RBM10: variants seen among roughly 807,000 people sequenced by gnomAD.
The protein encoded by RBM10 is RNA-binding protein 10.
A neutral mutation model predicts 84.9 loss-of-function variants in RBM10; 1 was observed. The observed-to-expected ratio is 0.01, with a 90% CI of 0.00 to 0.06. The LOEUF (loss-of-function observed/expected upper bound fraction) is 0.06. Ranked by LOEUF, RBM10 falls within the 10% of genes least tolerant of loss-of-function variation. RBM10 has a pLI of 1.00. For synonymous variants in RBM10, 326 were observed against 344.5 expected (o/e 0.95, Z 0.60); for missense variants, 438 against 839.0 (o/e 0.52, Z 5.90).
chrX:47,153,111 G>T (rs1394713863), intron 2 of RBM10, among the ~76,000 whole-genome samples: 1 of 111,947 alleles, frequency 8.9e-6, no homozygotes, highest in Admixed American at 9.5e-5. Context: ...CTCCCAAAGT[G>T]CTGGGATTAC....
In RBM10 at chrX:47,145,547, G is replaced by C. The variant is rs1556761673; in HGVS notation, c.-126+62G>C. ...GGGCCCGGGGCGGGGACGTAGAGGA[G>C]GCGCGAGGGCGGACTTCGGGTCGGG... On this transcript the variant is annotated intron_variant, in intron 1 of 23. Coordinates refer to ENST00000377604, the MANE Select transcript of RBM10 (RefSeq NM_005676.5). 8 of 1,110,149 alleles carry C rather than the reference G, an allele frequency of 7.2e-6. No homozygotes were observed. The South Asian group carries it at 1.4e-4, about 19-fold the overall frequency. The allele number at this position is 1,110,149 out of a possible 1,213,427, so 91.5% of individuals were successfully genotyped here.
chrX:47,184,566 G>T lies in RBM10; in HGVS notation c.1951-489G>T, dbSNP rs782785191. On this transcript the variant is annotated intron_variant, in intron 17 of 23. Coordinates refer to ENST00000377604, the MANE Select transcript of RBM10 (RefSeq NM_005676.5). ...CAAGAAGCACTGGTGACTGGTGACA[G>T]AAAATAGGAACTTGCACTACTGTGT... Among the ~76,000 whole-genome samples the T allele has an allele frequency of 8.9e-5, 10 of 111,738 alleles. No individual in the cohort carries two copies. In the South Asian group the frequency reaches 3.7e-3, roughly 42 times the overall value.
chrX:47,179,828 G>C (rs902641500), intron 9 of RBM10, 52 bp from the exon 10 acceptor site: 1 of 1,159,484 alleles, frequency 8.6e-7, no homozygotes, highest in South Asian at 1.9e-5. Flanking sequence ...TTGAAGGGCA[G>C]GGCTGGCAAG....
At chrX:47,157,553 G>T (rs1933264652) in intron 2 of RBM10, 1 of 435,488 alleles carries the variant, frequency 2.3e-6, no homozygotes, top group Non-Finnish European at 4.2e-6. Flanking sequence ...CAATCTTCCA[G>T]ATGAGTTTGC....
chrX:47,176,876 A>T (rs1206295881), intron 7 of RBM10, among the ~76,000 whole-genome samples: 1 of 111,315 alleles, frequency 9.0e-6, no homozygotes, highest in African/African-American at 3.3e-5. Flanking sequence ...GTTCCAGTAG[A>T]CTTTAAGGAA....
At position 47,152,294 on chromosome X, in the gene RBM10, G is replaced by A. The variant is rs1054611822; in HGVS notation, c.17+4796G>A. On this transcript the variant is annotated intron_variant, in intron 2 of 23. Coordinates refer to ENST00000377604, the MANE Select transcript of RBM10 (RefSeq NM_005676.5). ...GCTATACCCCACTTGATCATGGTAT[G>A]TATGTATATGTTTATGACTTCTTAC... Among the ~76,000 whole-genome samples the A allele has an allele frequency of 4.5e-5, 5 of 111,214 alleles. No homozygotes were observed. The East Asian group carries it at 1.4e-3, about 31-fold the overall frequency.
intron 3 of RBM10, among the ~76,000 whole-genome samples, chrX:47,170,503 A>G (rs1323986737): frequency 1.8e-5 from 2 of 113,015 alleles, no homozygotes; most frequent in African/African-American, 6.4e-5. Context: ...GGGACTGAGG[A>G]GGGAGTGTCT....
In RBM10 at chrX:47,186,050, CA is replaced by C. The variant is rs781923351; in HGVS notation, c.2431-14del. Reference sequence around the variant, plus strand: ...ACCAGCTCCCCAACATTCACATACACATACAAACTTTCAGCAAATGAAGTAC... The same window carrying C: ...ACCAGCTCCCCAACATTCACATACACTACAAACTTTCAGCAAATGAAGTAC... On this transcript the variant is annotated splice_polypyrimidine_tract_variant and intron_variant, in intron 21 of 23. Transcript: ENST00000377604. 8.3e-7 allele frequency: 1 copy of C among 1,208,644 alleles called. No individual in the cohort carries two copies. The highest frequency in any genetic ancestry group is 1.1e-6 in the Non-Finnish European group (1 of 892,982).
At chrX:47,180,938 C>T (rs1415118060) in intron 12 of RBM10, among the ~76,000 whole-genome samples, 2 of 111,640 alleles carry the variant, frequency 1.8e-5, no homozygotes, top group African/African-American at 6.5e-5. Flanking sequence ...TCTTCCTTGG[C>T]CTGACACCCA....
chrX:47,173,969 C>G (rs1267755311), intron 5 of RBM10, among the ~76,000 whole-genome samples: 3 of 91,372 alleles, frequency 3.3e-5, no homozygotes, highest in African/African-American at 1.2e-4. Context: ...CTCTGCCCCC[C>G]CCAACTATAT....
chrX:47,156,572 C>T (rs930784531), intron 2 of RBM10: 3 of 123,472 alleles, frequency 2.4e-5, no homozygotes, highest in Non-Finnish European at 4.9e-5. Context: ...GTAGTAGCAT[C>T]GCCATTGGGA....
In RBM10 at chrX:47,174,948, G is replaced by A. The variant is rs6611341; in HGVS notation, c.503-71G>A. 115 of 899,493 alleles carry A rather than the reference G, an allele frequency of 1.3e-4. No individual in the cohort carries two copies. In the East Asian group the frequency reaches 3.3e-3, roughly 26 times the overall value. The allele number at this position is 899,493 out of a possible 1,213,427, so 74.1% of individuals were successfully genotyped here. A position where few individuals can be genotyped will look rare whatever the true frequency, so the allele number is the denominator to read the frequency against. ...CCCCCGTCCTCTCCCCTCGGGTCCCGCCCCCGGGAACGCCGTGTGTCCAAA... is the reference window on the plus strand; with the variant it reads ...CCCCCGTCCTCTCCCCTCGGGTCCCACCCCCGGGAACGCCGTGTGTCCAAA... On this transcript the variant is annotated intron_variant, in intron 5 of 23. Coordinates refer to ENST00000377604, the MANE Select transcript of RBM10 (RefSeq NM_005676.5).
chrX:47,176,547 C>T lies in RBM10; in HGVS notation c.624C>T (p.Asp208=), dbSNP rs782425585. 8.3e-7 allele frequency: 1 copy of T among 1,211,614 alleles called. No homozygotes were observed. The highest frequency in any genetic ancestry group is 1.1e-6 in the Non-Finnish European group (1 of 895,512). ...LGQKVSMHYS[D]PKPKINEDWL... The stretch of plus-strand genomic sequence containing the variant: ...AGAAGGTGTCGATGCACTACAGTGA[C>T]CCCAAGCCCAAGATCAATGAGGACT... The change falls in exon 7 of 24, where the codon GAC becomes GAT. Residue 208 remains aspartate (D), a synonymous_variant. Coordinates refer to ENST00000377604, the MANE Select transcript of RBM10 (RefSeq NM_005676.5).
In RBM10 at chrX:47,161,791, C is replaced by T. The variant is rs1460375071; in HGVS notation, c.18-7524C>T. Among the ~76,000 whole-genome samples, 7 of 111,187 alleles carry T rather than the reference C, an allele frequency of 6.3e-5. 1 individual carries two copies. The Admixed American group carries it at 6.7e-4, about 11-fold the overall frequency. On this transcript the variant is annotated intron_variant, in intron 2 of 23. Transcript: ENST00000377604. ...GAGCGATCCGCCCACCTCATCCTCCCAAAGTGCTGGGATTAGGGGCATGAG... is the reference window on the plus strand; with the variant it reads ...GAGCGATCCGCCCACCTCATCCTCCTAAAGTGCTGGGATTAGGGGCATGAG...
chrX:47,180,563 C>T (rs1935457244), intron 12 of RBM10, 57 bp downstream of exon 12: 1 of 1,188,325 alleles, frequency 8.4e-7, no homozygotes, highest in African/African-American at 1.8e-5. Flanking sequence ...CTCAACCCTC[C>T]TGCACCCTCT....
chrX:47,161,999 C>T (rs914831722), intron 2 of RBM10, among the ~76,000 whole-genome samples: 9 of 111,007 alleles, frequency 8.1e-5, no homozygotes, highest in Non-Finnish European at 1.3e-4. Context: ...CGCGTTACCA[C>T]ACCCAGCTAA....
chrX:47,185,709 CT>C lies in RBM10; in HGVS notation c.2356-5del. On this transcript the variant is annotated splice_region_variant and splice_polypyrimidine_tract_variant and intron_variant, in intron 20 of 23. Coordinates refer to ENST00000377604, the MANE Select transcript of RBM10 (RefSeq NM_005676.5). ...CCTCTTCACTTCTCATCCTGTCCCT[CT>C]TGCAGCAAAACCTTGAGATTCACCG... 8.3e-7 allele frequency: 1 copy of C among 1,211,659 alleles called. No individual in the cohort carries two copies. The highest frequency in any genetic ancestry group is 1.1e-6 in the Non-Finnish European group (1 of 895,399).
chrX:47,156,078 G>A (rs375763477), intron 2 of RBM10, among the ~76,000 whole-genome samples: 1 of 109,880 alleles, frequency 9.1e-6, no homozygotes, highest in Non-Finnish European at 1.9e-5. Context: ...CAAAGTGCTC[G>A]GATTATAGGT....
intron 2 of RBM10, among the ~76,000 whole-genome samples, chrX:47,149,727 G>A (rs1556763075): frequency 9.0e-6 from 1 of 111,536 alleles, no homozygotes; most frequent in Admixed American, 9.6e-5. Flanking sequence ...CTAATTGCTG[G>A]CAAGGGCATC....
Sources: gnomAD v4.1 joint callset for allele counts (sites outside exome capture counted in the v4.1 genomes callset) on GRCh38, gnomAD v4.1.1 for gene constraint, MANE v1.5 for transcripts, NCBI Gene and HGNC (gene_info 2026-07-23, HGNC 2026-07-21) for gene names.